The following NOP9 variants were observed in gnomAD, a reference collection of about 807,000 sequenced individuals.
NOP9 encodes nucleolar protein 9.
NOP9 carries 50 observed loss-of-function variants against 63.0 expected under a neutral mutation model. The ratio of observed to expected loss-of-function variants is 0.79; its 90% CI spans 0.63 to 1.00. The LOEUF (loss-of-function observed/expected upper bound fraction) is 1.00. NOP9 is among the 50% of genes least tolerant of loss of function. NOP9 has a pLI of 0.00. For missense variants in NOP9, 758 were observed against 803.0 expected (o/e 0.94, Z 0.68); for synonymous variants, 343 against 332.8 (o/e 1.03, Z -0.33).
chr14:24,271,295 G>T, the NOP9 span: 1 of 739,664 alleles, frequency 1.4e-6, no homozygotes, highest in Non-Finnish European at 2.1e-6. Context: ...GACAGGCTTT[G>T]CACGTTCCAC....
chr14:24,289,339 T>C, the NOP9 span, among the ~76,000 whole-genome samples: 1 of 152,212 alleles, frequency 6.6e-6, no homozygotes, highest in East Asian at 1.9e-4. Context: ...GTTGCCCAGG[T>C]TGGTCTCAAA....
the NOP9 span, chr14:24,290,838 C>A: frequency 6.2e-7 from 1 of 1,613,102 alleles, no homozygotes; most frequent in Non-Finnish European, 8.5e-7. Flanking sequence ...CAAGCAGAGA[C>A]GTAGTGTCAG....
At chr14:24,290,845 TC>T in the NOP9 span, 10 of 1,612,994 alleles carry the variant, frequency 6.2e-6, no homozygotes, top group Non-Finnish European at 8.5e-6. Context: ...AGACGTAGTG[TC>T]AGACCAGGAG....
chr14:24,292,900 C>A, the NOP9 span: 1 of 1,389,048 alleles, frequency 7.2e-7, no homozygotes, highest in Non-Finnish European at 9.5e-7. Context: ...GAAGGCTACA[C>A]AGGGTGGGTT....
chr14:24,306,110 G>A lies in NOP9; in HGVS notation c.*1015G>A, dbSNP rs143381849. On this transcript the variant is annotated 3_prime_UTR_variant, in exon 10 of 10. Coordinates refer to ENST00000267425, the MANE Select transcript of NOP9 (RefSeq NM_174913.3). ...TCCTTGCTGTGCTTGGGCCTCTCCC[G>A]TCCCAGGCCATATGACAGCACTCCA... is the stretch of plus-strand genomic sequence containing the variant. 643 of 1,613,968 alleles carry A rather than the reference G, an allele frequency of 4.0e-4. 1 individual carries two copies. Among genetic ancestry groups the A allele is most frequent in the African/African-American group, 1.8e-3 (138 of 75,030 alleles).
Position 24,305,801 on chromosome 14 carries a change from G to A in NOP9, c.*706G>A. 6.2e-7 allele frequency: 1 copy of A among 1,606,666 alleles called. No homozygotes were observed. Among genetic ancestry groups the A allele is most frequent in the Non-Finnish European group, 8.5e-7 (1 of 1,175,778 alleles). On this transcript the variant is annotated 3_prime_UTR_variant, in exon 10 of 10. Coordinates refer to ENST00000267425, the MANE Select transcript of NOP9 (RefSeq NM_174913.3). The stretch of plus-strand genomic sequence containing the variant: ...GAGACAAGAGGAAATCAGATGATTT[G>A]GAAAACTTGGGAGGAAGCCATCAAG...
intron 3 of NOP9, 45 bp downstream of exon 3, chr14:24,301,767 A>C: frequency 6.3e-7 from 1 of 1,594,350 alleles, no homozygotes; most frequent in South Asian, 1.1e-5. Context: ...ACTTGTCTGG[A>C]GGTCATCTTA....
At chr14:24,291,565 A>C in the NOP9 span, 75 of 1,614,070 alleles carry the variant, frequency 4.6e-5, no homozygotes, top group Non-Finnish European at 6.1e-5. Flanking sequence ...CCTGTTGCCA[A>C]AGCCACCACA....
At chr14:24,290,681 C>G in the NOP9 span, 1 of 649,592 alleles carries the variant, frequency 1.5e-6, no homozygotes, top group Non-Finnish European at 2.6e-6. Flanking sequence ...CAAGGAAAAC[C>G]AAGGCACAAA....
In NOP9 at chr14:24,307,863, G is replaced by T; in HGVS notation, c.*2768G>T. ...CAGAGCTGAGAGGTACTCCATGGTG[G>T]ACCGGAGAGTTCCTTCCCTGGAACT... On this transcript the variant is annotated 3_prime_UTR_variant, in exon 10 of 10. Transcript: ENST00000267425. The T allele has an allele frequency of 1.9e-6, 3 of 1,588,048 alleles. No individual in the cohort carries two copies. The highest frequency in any genetic ancestry group is 2.6e-6 in the Non-Finnish European group (3 of 1,166,524).
chr14:24,302,980 A>G (rs1391506473), intron 5 of NOP9, 94 bp from the exon 6 acceptor site: 2 of 1,388,970 alleles, frequency 1.4e-6, no homozygotes, highest in African/African-American at 1.5e-5. Context: ...TGTTTTATCT[A>G]GCATTTTTAG....
At chr14:24,278,626 G>A in the NOP9 span, among the ~76,000 whole-genome samples, 1 of 152,212 alleles carries the variant, frequency 6.6e-6, no homozygotes. Context: ...AGTGAGATAC[G>A]TGAGGGGTGG....
At chr14:24,278,447 G>A in the NOP9 span, among the ~76,000 whole-genome samples, 4 of 152,270 alleles carry the variant, frequency 2.6e-5, no homozygotes, top group South Asian at 4.2e-4. Context: ...CAGTGACGTG[G>A]GATGAGCACA....
the NOP9 span, among the ~76,000 whole-genome samples, chr14:24,276,312 G>A: frequency 6.6e-6 from 1 of 151,178 alleles, no homozygotes; most frequent in African/African-American, 2.4e-5. Flanking sequence ...AGGAGGTGGA[G>A]GTTGCAGTGA....
the NOP9 span, chr14:24,271,586 A>C: frequency 6.4e-6 from 1 of 155,598 alleles, no homozygotes; most frequent in Non-Finnish European, 1.4e-5. Flanking sequence ...ATCGAAACGC[A>C]GCGCACTCTG....
the NOP9 span, chr14:24,291,752 G>A: frequency 7.1e-6 from 7 of 988,106 alleles, no homozygotes; most frequent in Non-Finnish European, 9.6e-6. Flanking sequence ...CCTCAAGCAG[G>A]GCCTGTAGGA....
chr14:24,271,952 C>T, the NOP9 span, among the ~76,000 whole-genome samples: 2 of 152,140 alleles, frequency 1.3e-5, no homozygotes, highest in Admixed American at 1.3e-4. Flanking sequence ...TTTCTTTATA[C>T]TTGACACCCC....
the NOP9 span, among the ~76,000 whole-genome samples, chr14:24,276,662 C>T: frequency 4.6e-3 from 701 of 152,220 alleles, 7 homozygotes; most frequent in African/African-American, 0.016. Context: ...GGGTGAGACA[C>T]GTAAGATGGA....
intron 2 of NOP9, 52 bp downstream of exon 2, chr14:24,300,909 T>C: frequency 6.9e-7 from 1 of 1,442,250 alleles, no homozygotes; most frequent in Admixed American, 1.9e-5. Flanking sequence ...ATTTAGAAAG[T>C]TCAGAATGAG....
Sources: allele counts gnomAD v4.1 joint callset (sites outside exome capture counted in the v4.1 genomes callset), GRCh38; gene constraint gnomAD v4.1.1; transcripts MANE v1.5; gene names NCBI Gene and HGNC (gene_info 2026-07-23, HGNC 2026-07-21).